TMC5: variants seen among roughly 807,000 people sequenced by gnomAD.
TMC5 encodes the protein transmembrane channel-like protein 5.
A neutral mutation model predicts 110.5 loss-of-function variants in TMC5; 86 were observed. The ratio of observed to expected loss-of-function variants is 0.78; its 90% CI spans 0.65 to 0.93. The LOEUF is 0.93. TMC5 is among the 40% of genes least tolerant of loss of function. The pLI is 0.00. For synonymous variants in TMC5, 455 were observed against 439.5 expected (o/e 1.04, Z -0.44); for missense variants, 1,144 against 1,222.8 (o/e 0.94, Z 0.96).
chr16:19,418,309 G>C (rs183417541), intron 1 of TMC5, among the ~76,000 whole-genome samples: 3 of 152,144 alleles, frequency 2.0e-5, no homozygotes, highest in Non-Finnish European at 4.4e-5. Context: ...CAAGCCCTAG[G>C]GTTATCTGCT....
chr16:19,462,474 A>C, intron 6 of TMC5: 1 of 699,778 alleles, frequency 1.4e-6, no homozygotes, highest in East Asian at 2.7e-5. Flanking sequence ...TAAAGGAAAG[A>C]GGTTTAATGG....
rs72785332 is a variant in TMC5, at chr16:19,497,983, C to G, written c.*17C>G. ...AGGGCCTGATGACTCTTTTGGTAAC[C>G]AGACACCAATCAAATAAGGGGAGGA... On this transcript the variant is annotated 3_prime_UTR_variant, in exon 22 of 22. Coordinates refer to ENST00000542583, the MANE Select transcript of TMC5 (RefSeq NM_001261841.2). 55,964 of 1,611,356 alleles carry G rather than the reference C, an allele frequency of 0.035. 1,166 individuals are homozygous for G. The highest frequency in any genetic ancestry group is 0.041 in the Non-Finnish European group (47,765 of 1,177,614).
At position 19,474,291 on chromosome 16, in the gene TMC5, G is replaced by C; in HGVS notation, c.2090+15G>C. Reference sequence around the variant, plus strand: ...CTCCTGATCCGGTAGGTGATGTGTCGCGCCCAACACCAGCCTCTATTTCCA... The same window carrying C: ...CTCCTGATCCGGTAGGTGATGTGTCCCGCCCAACACCAGCCTCTATTTCCA... On this transcript the variant is annotated intron_variant, in intron 12 of 21. Transcript: ENST00000542583. 2 of 1,611,350 alleles carry C rather than the reference G, an allele frequency of 1.2e-6. No individual in the cohort carries two copies. Among genetic ancestry groups the C allele is most frequent in the Non-Finnish European group, 1.7e-6 (2 of 1,178,568 alleles).
At chr16:19,462,524 G>C (rs568301079) in intron 6 of TMC5, 34 of 701,954 alleles carry the variant, frequency 4.8e-5, no homozygotes, top group Non-Finnish European at 5.7e-5. Flanking sequence ...TCACAATCAC[G>C]ACAGAGGACG....
chr16:19,465,055 CT>C (rs1268684727), intron 8 of TMC5, among the ~76,000 whole-genome samples: 10 of 97,188 alleles, frequency 1.0e-4, no homozygotes, highest in African/African-American at 1.8e-4. Flanking sequence ...TTCTTTCTTT[CT>C]TTTCCTTCCT....
intron 5 of TMC5, among the ~76,000 whole-genome samples, chr16:19,452,437 C>T (rs1967770596): frequency 6.6e-6 from 1 of 152,118 alleles, no homozygotes; most frequent in Admixed American, 6.6e-5. Context: ...GACTGGATGG[C>T]CGGGCATGGT....
At chr16:19,427,604 A>G (rs1386451612) in intron 1 of TMC5, among the ~76,000 whole-genome samples, 1 of 152,166 alleles carries the variant, frequency 6.6e-6, no homozygotes, top group Non-Finnish European at 1.5e-5. Context: ...GTTCTGTTGG[A>G]CAGCCTTGCC....
chr16:19,437,360 C>T lies in TMC5; in HGVS notation c.-79-2600C>T, dbSNP rs139847033. ...CTGATGGGTCATATTCCACACCTGG[C>T]CCACAGGGACTGACTGTGTGGGAGA... On this transcript the variant is annotated intron_variant, in intron 2 of 21. Coordinates refer to ENST00000542583, the MANE Select transcript of TMC5 (RefSeq NM_001261841.2). Among the ~76,000 whole-genome samples the T allele has an allele frequency of 4.0e-3, 606 of 152,246 alleles. 7 individuals are homozygous for T. The highest frequency in any genetic ancestry group is 0.014 in the Middle Eastern group (4 of 294).
At chr16:19,481,508 G>A in intron 15 of TMC5, 43 bp downstream of exon 15, 1 of 1,407,888 alleles carries the variant, frequency 7.1e-7, no homozygotes, top group Non-Finnish European at 1.0e-6. Context: ...GTTCCCACAT[G>A]ACTGTGGAGC....
intron 2 of TMC5, among the ~76,000 whole-genome samples, chr16:19,434,501 G>GATAGATATAT (rs1160899052): frequency 0.017 from 1,601 of 93,382 alleles, 53 homozygotes; most frequent in African/African-American, 0.034. Context: ...GATATAGAGA[G>GATAGATATAT]AGAGAGAGAT....
chr16:19,419,853 C>T (rs987894973), intron 1 of TMC5, among the ~76,000 whole-genome samples: 6 of 152,116 alleles, frequency 3.9e-5, no homozygotes, highest in Admixed American at 2.0e-4. Context: ...CAAGATTTTT[C>T]GGGATGACGT....
intron 5 of TMC5, chr16:19,456,864 T>A (rs754483668): frequency 6.2e-7 from 1 of 1,614,230 alleles, no homozygotes; most frequent in Non-Finnish European, 8.5e-7. Flanking sequence ...ATTGATGTGA[T>A]AGACTCTCAG....
At chr16:19,454,015 T>C (rs1192243580) in intron 5 of TMC5, among the ~76,000 whole-genome samples, 2 of 152,042 alleles carry the variant, frequency 1.3e-5, no homozygotes, top group East Asian at 3.9e-4. Context: ...ACCACCTCAG[T>C]TGGCAAGAAT....
intron 17 of TMC5, among the ~76,000 whole-genome samples, chr16:19,489,597 G>A (rs1244906644): frequency 1.3e-5 from 2 of 150,610 alleles, no homozygotes; most frequent in African/African-American, 4.9e-5. Flanking sequence ...GCCTCCCAAA[G>A]TGCTGGGATT....
At chr16:19,448,308 A>G (rs1193987011) in intron 4 of TMC5, among the ~76,000 whole-genome samples, 9 of 149,818 alleles carry the variant, frequency 6.0e-5, no homozygotes, top group African/African-American at 9.7e-5. Context: ...ACACACGCAC[A>G]CACACACACA....
At chr16:19,484,092 A>T (rs1968680409) in intron 15 of TMC5, among the ~76,000 whole-genome samples, 1 of 152,066 alleles carries the variant, frequency 6.6e-6, no homozygotes, top group African/African-American at 2.4e-5. Context: ...CAAAAAAAAA[A>T]AAAAAAAGAA....
intron 2 of TMC5, among the ~76,000 whole-genome samples, chr16:19,431,176 T>C (rs886889209): frequency 2.0e-5 from 3 of 152,170 alleles, no homozygotes; most frequent in Non-Finnish European, 4.4e-5. Context: ...CACTAGCATA[T>C]AGAACATTGA....
intron 4 of TMC5, among the ~76,000 whole-genome samples, chr16:19,447,291 G>A (rs1380405739): frequency 6.6e-6 from 1 of 151,950 alleles, no homozygotes; most frequent in Non-Finnish European, 1.5e-5. Context: ...AGCTGAAAGT[G>A]CTCAAAATGG....
intron 2 of TMC5, among the ~76,000 whole-genome samples, chr16:19,433,817 ATTTC>A (rs1014749680): frequency 2.5e-4 from 38 of 149,798 alleles, no homozygotes; most frequent in African/African-American, 7.1e-4. Context: ...GACATTTCCT[ATTTC>A]TTTCTTTCTT....
Sources: allele counts gnomAD v4.1 joint callset (sites outside exome capture counted in the v4.1 genomes callset), GRCh38; gene constraint gnomAD v4.1.1; transcripts MANE v1.5; gene names NCBI Gene and HGNC (gene_info 2026-07-23, HGNC 2026-07-21).